CLMN: variants seen among roughly 807,000 people sequenced by gnomAD.
CLMN encodes the protein calmin (calponin-like, transmembrane).
In CLMN, 57 loss-of-function variants were observed where a neutral mutation model predicts 92.7. The observed-to-expected ratio is 0.61, with a 90% CI of 0.50 to 0.77. The LOEUF is 0.77. Among genes scored for constraint, CLMN ranks in the 30% least tolerant of loss-of-function variants. The pLI, the probability that CLMN is intolerant of heterozygous loss-of-function variation, is 0.00. For synonymous variants in CLMN, 466 were observed against 470.6 expected, an observed-to-expected ratio of 0.99 and a Z score of 0.13; for missense variants, 1,158 against 1,237.5, an observed-to-expected ratio of 0.94 and a Z score of 0.96.
chr14:95,228,290 T>C (rs1897774038), intron 2 of CLMN, among the ~76,000 whole-genome samples: 1 of 152,098 alleles, frequency 6.6e-6, no homozygotes, highest in African/African-American at 2.4e-5. Context: ...TGGGGACAAG[T>C]TTTCCTTTTG....
chr14:95,283,688 T>C (rs144219388), intron 1 of CLMN, among the ~76,000 whole-genome samples: 43 of 152,308 alleles, frequency 2.8e-4, no homozygotes, highest in African/African-American at 1.0e-3. Flanking sequence ...GCCCTAGAGA[T>C]GTGTGGAACT....
At chr14:95,242,852 C>G (rs1347498005) in intron 1 of CLMN, among the ~76,000 whole-genome samples, 2 of 152,218 alleles carry the variant, frequency 1.3e-5, no homozygotes, top group African/African-American at 4.8e-5. Context: ...CAGGCATGAG[C>G]CACCACGCCC....
chr14:95,193,034 G>A (rs1408309954), intron 12 of CLMN: 1 of 328,742 alleles, frequency 3.0e-6, no homozygotes, highest in African/African-American at 2.1e-5. Flanking sequence ...AGAGGGATGG[G>A]GTTCTAATGA....
intron 1 of CLMN, among the ~76,000 whole-genome samples, chr14:95,241,071 AG>A (rs1214010859): frequency 6.6e-6 from 1 of 152,104 alleles, no homozygotes; most frequent in Non-Finnish European, 1.5e-5. Context: ...TCTTGTGTTC[AG>A]TTATTTAAAA....
chr14:95,241,432 C>T (rs1307002098), intron 1 of CLMN, among the ~76,000 whole-genome samples: 1 of 152,162 alleles, frequency 6.6e-6, no homozygotes, highest in African/African-American at 2.4e-5. Context: ...ACATGAAAAA[C>T]AAAGAGAAAG....
chr14:95,237,900 C>A (rs1287198689), intron 1 of CLMN, among the ~76,000 whole-genome samples: 1 of 152,204 alleles, frequency 6.6e-6, no homozygotes, highest in Non-Finnish European at 1.5e-5. Context: ...GGCTCAGATT[C>A]TTTCTAACTG....
At chr14:95,209,253 C>T in intron 8 of CLMN, 142 bp downstream of exon 8, 1 of 722,998 alleles carries the variant, frequency 1.4e-6, no homozygotes, top group Non-Finnish European at 2.5e-6. Context: ...CATGGTAAGG[C>T]CGTGCTCAAG....
At chr14:95,243,195 G>C (rs1466738028) in intron 1 of CLMN, among the ~76,000 whole-genome samples, 1 of 152,154 alleles carries the variant, frequency 6.6e-6, no homozygotes, top group Non-Finnish European at 1.5e-5. Context: ...GATTCTTCTG[G>C]TGTCCTTACC....
intron 1 of CLMN, among the ~76,000 whole-genome samples, chr14:95,245,243 T>C (rs1246568831): frequency 6.5e-4 from 22 of 33,950 alleles, no homozygotes; most frequent in African/African-American, 3.8e-3. Flanking sequence ...ATATATTATA[T>C]ATATATATAT....
chr14:95,266,252 A>G, intron 1 of CLMN, among the ~76,000 whole-genome samples: 1 of 152,234 alleles, frequency 6.6e-6, no homozygotes, highest in African/African-American at 2.4e-5. Context: ...TGGAAAACGA[A>G]GTCAAGTTAT....
chr14:95,193,230 T>C, intron 12 of CLMN: 1 of 821,866 alleles, frequency 1.2e-6, no homozygotes, highest in Admixed American at 2.2e-5. Flanking sequence ...TTGAGACGTT[T>C]TTCTGGTTTC....
chr14:95,300,213 C>T (rs796284812), intron 1 of CLMN, among the ~76,000 whole-genome samples: 1 of 152,208 alleles, frequency 6.6e-6, no homozygotes, highest in African/African-American at 2.4e-5. Context: ...ATCCTGCCCC[C>T]AAAGGGCTCA....
chr14:95,204,580 C>G (rs1445294044), intron 8 of CLMN, 117 bp from the exon 9 acceptor site: 1 of 967,790 alleles, frequency 1.0e-6, no homozygotes, highest in African/African-American at 1.7e-5. Flanking sequence ...CCACCTTTCC[C>G]AAAACACAAA....
At chr14:95,265,271 G>A (rs978078851) in intron 1 of CLMN, among the ~76,000 whole-genome samples, 7 of 151,590 alleles carry the variant, frequency 4.6e-5, no homozygotes, top group Non-Finnish European at 1.0e-4. Context: ...CTGACTTTGA[G>A]AAAAGCAGAC....
In CLMN at chr14:95,229,061, T is replaced by C. The variant is rs371750789; in HGVS notation, c.144+1011A>G. ...TACTAGCTTCAAACAGAATTGAGAC[T>C]ACTTGCTGGATATAGATGGAGAACC... On this transcript the variant is annotated intron_variant, in intron 2 of 12. Transcript: ENST00000298912. Among the ~76,000 whole-genome samples the C allele has an allele frequency of 1.5e-4, 23 of 152,330 alleles. 1 individual carries two copies. The South Asian group carries it at 4.8e-3, about 32-fold the overall frequency.
In CLMN at chr14:95,223,897, T is replaced by C. The variant is rs746475380; in HGVS notation, c.145-42A>G. On this transcript the variant is annotated intron_variant, in intron 2 of 12. Transcript: ENST00000298912. ...AAGAAAGTAGCCAATTAGCAACCTG[T>C]GTGATCCACAAAGCTATGTCAGAGA... 6 of 1,369,846 alleles carry C rather than the reference T, an allele frequency of 4.4e-6. No individual in the cohort carries two copies. In the African/African-American group the frequency reaches 7.2e-5, roughly 16 times the overall value. The allele number at this position is 1,369,846 out of a possible 1,614,324, so 84.9% of individuals were successfully genotyped here.
intron 4 of CLMN, among the ~76,000 whole-genome samples, chr14:95,220,125 A>AT (rs1364315534): frequency 9.4e-6 from 1 of 105,938 alleles, no homozygotes; most frequent in Admixed American, 9.6e-5. Flanking sequence ...TCAGTGCTTC[A>AT]TTTTTTTTAA....
At chr14:95,263,905 T>C (rs1364281490) in intron 1 of CLMN, among the ~76,000 whole-genome samples, 1 of 152,226 alleles carries the variant, frequency 6.6e-6, no homozygotes, top group Non-Finnish European at 1.5e-5. Context: ...ATGGTCATTG[T>C]CACTAGTATC....
At chr14:95,306,658 C>T (rs932423126) in intron 1 of CLMN, among the ~76,000 whole-genome samples, 1 of 152,154 alleles carries the variant, frequency 6.6e-6, no homozygotes, top group African/African-American at 2.4e-5. Flanking sequence ...CCAACAGCAA[C>T]AGCAGACGAT....
Sources: gnomAD v4.1 joint callset for allele counts (sites outside exome capture counted in the v4.1 genomes callset) on GRCh38, gnomAD v4.1.1 for gene constraint, MANE v1.5 for transcripts, NCBI Gene and HGNC (gene_info 2026-07-23, HGNC 2026-07-21) for gene names.